ATP10B: variants seen among roughly 807,000 people sequenced by gnomAD.
ATP10B encodes the protein ATPase phospholipid transporting 10B (putative), also known as phospholipid-transporting ATPase VB.
A neutral mutation model predicts 141.2 loss-of-function variants in ATP10B; 122 were observed. The ratio of observed to expected loss-of-function variants is 0.86; its 90% CI spans 0.75 to 1.00. ATP10B has a LOEUF of 1.00. ATP10B is among the 50% of genes least tolerant of loss of function. ATP10B has a pLI of 0.00. For missense variants in ATP10B, 1,876 were observed against 1,825.3 expected, an observed-to-expected ratio of 1.03 and a Z score of -0.51; for synonymous variants, 685 against 692.0, an observed-to-expected ratio of 0.99 and a Z score of 0.16.
At chr5:160,886,113 A>G in the ATP10B span, among the ~76,000 whole-genome samples, 19 of 152,318 alleles carry the variant, frequency 1.2e-4, no homozygotes, top group East Asian at 3.5e-3. Context: ...CATCGGGGGA[A>G]TTTTTAGAAA....
chr5:160,751,399 T>C (rs1768141920), intron 2 of ATP10B, among the ~76,000 whole-genome samples: 1 of 152,210 alleles, frequency 6.6e-6, no homozygotes, highest in Non-Finnish European at 1.5e-5. Flanking sequence ...AGCTTAATGT[T>C]GTTTTTCCCT....
chr5:160,663,129 T>G (rs946232348), intron 7 of ATP10B, among the ~76,000 whole-genome samples: 1 of 151,952 alleles, frequency 6.6e-6, no homozygotes, highest in African/African-American at 2.4e-5. Context: ...CATTAAAAAG[T>G]CAGGAAACAA....
At chr5:160,845,765 A>G (rs1350456275) in intron 1 of ATP10B, among the ~76,000 whole-genome samples, 1 of 152,168 alleles carries the variant, frequency 6.6e-6, no homozygotes, top group Non-Finnish European at 1.5e-5. Flanking sequence ...ACTGTGAGCT[A>G]TGAGGACGGT....
intron 7 of ATP10B, among the ~76,000 whole-genome samples, chr5:160,658,408 T>C (rs1401417706): frequency 6.6e-6 from 1 of 152,172 alleles, no homozygotes; most frequent in Non-Finnish European, 1.5e-5. Flanking sequence ...TAAGCCCCCT[T>C]CCTTAAGGAT....
Position 160,564,043 on chromosome 5 carries a change from G to C in ATP10B, c.*1410C>G, listed in dbSNP as rs1042565519. 1.3e-5 allele frequency: 2 copies of C among 152,262 alleles called. No individual in the cohort carries two copies. The highest frequency in any genetic ancestry group is 2.9e-5 in the Non-Finnish European group (2 of 68,064). 9.4% of individuals were successfully genotyped at this position (152,262 alleles called of 1,614,324 possible). ...AGCTCCCTGTGTCATTTGCCAACTTGATTGAATGTTTTCTGGCATCTTTGC... is the reference window on the plus strand; with the variant it reads ...AGCTCCCTGTGTCATTTGCCAACTTCATTGAATGTTTTCTGGCATCTTTGC... On this transcript the variant is annotated 3_prime_UTR_variant, in exon 26 of 26. Coordinates refer to ENST00000327245, the MANE Select transcript of ATP10B (RefSeq NM_025153.3).
At chr5:160,679,239 G>A (rs879876359) in intron 6 of ATP10B, among the ~76,000 whole-genome samples, 1 of 152,178 alleles carries the variant, frequency 6.6e-6, no homozygotes, top group East Asian at 1.9e-4. Context: ...TCGGTGCTAC[G>A]CTGTCAGAAA....
chr5:160,848,138 G>A (rs1776238545), intron 1 of ATP10B, among the ~76,000 whole-genome samples: 1 of 152,114 alleles, frequency 6.6e-6, no homozygotes, highest in Non-Finnish European at 1.5e-5. Context: ...GTTAAGAGCT[G>A]GAAGGAACCT....
rs755656828 is a variant in ATP10B at position 160,565,482 on chromosome 5, G to A, written c.4357C>T (p.Arg1453Cys). The change falls in exon 26 of 26, where the codon CGC (arginine) becomes TGC (cysteine). Residue 1453 changes from arginine (R) to cysteine (C), a missense_variant. Arg to Cys is a radical substitution (Grantham distance 180). Transcript: ENST00000327245. Reference protein sequence around the residue: ...MCRCSKRSSHRRSQSSLTI With the variant: ...MCRCSKRSSHCRSQSSLTI ...ATGGTCAGTGAACTCTGGGATCGGC[G>A]ATGGCTGCTCCTCTTTGAGCACCGG... 17 of 1,613,938 alleles carry A rather than the reference G, an allele frequency of 1.1e-5. No individual in the cohort carries two copies. The highest frequency in any genetic ancestry group is 8.0e-5 in the African/African-American group (6 of 74,914).
intron 25 of ATP10B, among the ~76,000 whole-genome samples, chr5:160,568,175 T>C (rs1447351509): frequency 6.6e-6 from 1 of 152,136 alleles, no homozygotes; most frequent in Non-Finnish European, 1.5e-5. Flanking sequence ...TCAGACTTAA[T>C]ATGCCCAGTA....
chr5:160,904,340 G>A, the ATP10B span, among the ~76,000 whole-genome samples: 1 of 152,080 alleles, frequency 6.6e-6, no homozygotes, highest in African/African-American at 2.4e-5. Flanking sequence ...TGGAGATATC[G>A]ATAGTCTTTG....
chr5:160,841,553 AAATT>A (rs1207074901), intron 1 of ATP10B, among the ~76,000 whole-genome samples: 3 of 152,104 alleles, frequency 2.0e-5, no homozygotes, highest in African/African-American at 4.8e-5. Flanking sequence ...ATTCAATAAA[AAATT>A]AAATTGACAA....
intron 9 of ATP10B, 44 bp downstream of exon 9, chr5:160,644,094 G>A (rs1211418636): frequency 1.3e-6 from 2 of 1,527,582 alleles, no homozygotes; most frequent in East Asian, 4.5e-5. Context: ...GGAGGGGGAA[G>A]GATAAAGGAA....
At chr5:160,592,001 T>C (rs1409170503) in intron 22 of ATP10B, among the ~76,000 whole-genome samples, 1 of 152,178 alleles carries the variant, frequency 6.6e-6, no homozygotes, top group Non-Finnish European at 1.5e-5. Flanking sequence ...CTCTCTGGCA[T>C]TGCAAAGTCC....
At chr5:160,596,745 A>G (rs1276435427) in intron 22 of ATP10B, among the ~76,000 whole-genome samples, 1 of 152,162 alleles carries the variant, frequency 6.6e-6, no homozygotes, top group Admixed American at 6.5e-5. Flanking sequence ...CCTATACACC[A>G]ATAACAGACA....
the ATP10B span, among the ~76,000 whole-genome samples, chr5:160,863,011 CA>C: frequency 9.9e-5 from 15 of 151,996 alleles, no homozygotes; most frequent in Admixed American, 2.6e-4. Context: ...TTAACATAGA[CA>C]GATATGATTA....
intron 7 of ATP10B, among the ~76,000 whole-genome samples, chr5:160,652,668 T>A (rs1241094418): frequency 7.5e-6 from 1 of 133,598 alleles, no homozygotes; most frequent in South Asian, 2.2e-4. Context: ...ATATATTATA[T>A]ATACATATAT....
chr5:160,619,352 C>T (rs1237815067), intron 15 of ATP10B, among the ~76,000 whole-genome samples: 2 of 152,166 alleles, frequency 1.3e-5, no homozygotes, highest in Non-Finnish European at 2.9e-5. Flanking sequence ...GAAGGCATCT[C>T]TAATCCATTT....
intron 1 of ATP10B, among the ~76,000 whole-genome samples, chr5:160,823,721 C>A (rs1400156287): frequency 6.6e-6 from 1 of 152,050 alleles, no homozygotes; most frequent in Non-Finnish European, 1.5e-5. Context: ...GTAGTCCCAG[C>A]TACTTGGGAG....
chr5:160,802,503 T>C (rs994138903), intron 1 of ATP10B, among the ~76,000 whole-genome samples: 1 of 152,192 alleles, frequency 6.6e-6, no homozygotes, highest in Non-Finnish European at 1.5e-5. Context: ...CCTGCGATAT[T>C]GTTAAACATC....
Sources: allele counts gnomAD v4.1 joint callset (sites outside exome capture counted in the v4.1 genomes callset), GRCh38; gene constraint gnomAD v4.1.1; transcripts MANE v1.5; gene names NCBI Gene and HGNC (gene_info 2026-07-23, HGNC 2026-07-21).